Variants in SRRM4 observed in about 807,000 individuals in gnomAD.
The protein encoded by SRRM4 is serine/arginine repetitive matrix protein 4.
A neutral mutation model predicts 68.9 loss-of-function variants in SRRM4; 33 were observed. The ratio of observed to expected loss-of-function variants is 0.48; its 90% CI spans 0.36 to 0.64. The LOEUF (loss-of-function observed/expected upper bound fraction) is 0.64. Ranked by LOEUF, SRRM4 falls within the 30% of genes least tolerant of loss-of-function variation. The pLI is 0.00. For synonymous variants in SRRM4, 318 were observed against 318.8 expected, an observed-to-expected ratio of 1.00 and a Z score of 0.03; for missense variants, 817 against 827.1, an observed-to-expected ratio of 0.99 and a Z score of 0.15.
chr12:118,991,790 A>G (rs531853837), intron 1 of SRRM4: 1 of 152,352 alleles, frequency 6.6e-6, no homozygotes, highest in Admixed American at 6.5e-5. Flanking sequence ...GTATCCCAGC[A>G]CCTAGTACAG....
chr12:119,132,605 G>A (rs1057466614), intron 8 of SRRM4, among the ~76,000 whole-genome samples: 5 of 152,148 alleles, frequency 3.3e-5, no homozygotes, highest in African/African-American at 4.8e-5. Flanking sequence ...CACACAAGCT[G>A]GGGAGGTTAC....
chr12:119,116,920 C>T lies in SRRM4; in HGVS notation c.366-17C>T. 2.5e-6 allele frequency: 4 copies of T among 1,612,916 alleles called. No individual in the cohort carries two copies. Among genetic ancestry groups the T allele is most frequent in the Non-Finnish European group, 3.4e-6 (4 of 1,179,384 alleles). On this transcript the variant is annotated splice_polypyrimidine_tract_variant and intron_variant, in intron 3 of 12. Coordinates refer to ENST00000267260, the MANE Select transcript of SRRM4 (RefSeq NM_194286.4). ...TTAAGAGCCTCCTTCTGAAATGTGTCTTCTTGGCCCTGGCAGGTCCTCATC... is the reference window on the plus strand; with the variant it reads ...TTAAGAGCCTCCTTCTGAAATGTGTTTTCTTGGCCCTGGCAGGTCCTCATC...
rs781187412 is a variant in SRRM4 at position 119,159,751 on chromosome 12, G to A, written c.*2953G>A. On this transcript the variant is annotated 3_prime_UTR_variant, in exon 13 of 13. Coordinates refer to ENST00000267260, the MANE Select transcript of SRRM4 (RefSeq NM_194286.4). ...TACCTAATTTCTCTCTGTCCCCTGA[G>A]ATCTGAAGGCTACCTTGGGAAGAGG... The A allele has an allele frequency of 3.9e-5, 6 of 152,192 alleles. No homozygotes were observed. The Middle Eastern group carries it at 0.014, about 345-fold the overall frequency. The allele number at this position is 152,192 out of a possible 1,614,324, so 9.4% of individuals were successfully genotyped here.
Position 119,156,616 on chromosome 12 carries a change from A to G in SRRM4, c.1654A>G (p.Ser552Gly). 1.2e-6 allele frequency: 2 copies of G among 1,609,168 alleles called. No homozygotes were observed. The highest frequency in any genetic ancestry group is 1.7e-6 in the Non-Finnish European group (2 of 1,178,862). Residue 552 changes from serine to glycine, a missense_variant, in exon 13 of 13, where the codon AGC becomes GGC. Physicochemically the swap from Ser to Gly is moderately conservative, Grantham distance 56. Coordinates refer to ENST00000267260, the MANE Select transcript of SRRM4 (RefSeq NM_194286.4). ...CTCGGCCAGCCGCAGCTACTCCCGG[A>G]GCCGGAGTCGGAGCCGGAGCCGGAG... is the stretch of plus-strand genomic sequence containing the variant. ...SRSASRSYSR[S>G]RSRSRSRRRS...
At chr12:119,035,194 A>G (rs1003736216) in intron 1 of SRRM4, among the ~76,000 whole-genome samples, 3 of 152,194 alleles carry the variant, frequency 2.0e-5, no homozygotes, top group Admixed American at 6.5e-5. Context: ...CTTTAACTAT[A>G]TAATTCGTGG....
intron 1 of SRRM4, among the ~76,000 whole-genome samples, chr12:119,074,222 T>G (rs1055305243): frequency 2.0e-5 from 3 of 152,128 alleles, no homozygotes; most frequent in Admixed American, 1.3e-4. Context: ...AAAAATCACA[T>G]TTACTGGGTA....
intron 1 of SRRM4, among the ~76,000 whole-genome samples, chr12:119,064,959 T>A (rs1028135760): frequency 1.3e-5 from 2 of 152,232 alleles, no homozygotes; most frequent in Non-Finnish European, 2.9e-5. Context: ...TCCCCTGCTT[T>A]ACTGATAACA....
At chr12:118,985,444 C>T (rs780142807) in intron 1 of SRRM4, among the ~76,000 whole-genome samples, 3 of 152,158 alleles carry the variant, frequency 2.0e-5, no homozygotes, top group African/African-American at 7.2e-5. Flanking sequence ...TTCATCAAAT[C>T]TACAGTGACT....
intron 1 of SRRM4, 21 bp from the exon 2 acceptor site, chr12:119,102,215 T>C: frequency 5.0e-6 from 8 of 1,598,926 alleles, no homozygotes; most frequent in Non-Finnish European, 6.8e-6. Context: ...CACTTTTGTG[T>C]CCTTATTTCT....
At chr12:119,019,321 G>A (rs908494604) in intron 1 of SRRM4, among the ~76,000 whole-genome samples, 5 of 152,092 alleles carry the variant, frequency 3.3e-5, no homozygotes, top group African/African-American at 7.2e-5. Context: ...ACCATCCCCC[G>A]GGTTGAAATA....
At chr12:119,080,652 A>G (rs773475505) in intron 1 of SRRM4, among the ~76,000 whole-genome samples, 16 of 152,206 alleles carry the variant, frequency 1.1e-4, no homozygotes, top group Non-Finnish European at 1.0e-4. Flanking sequence ...TTCCTTAGTC[A>G]AAATCACTCA....
intron 8 of SRRM4, chr12:119,144,683 T>C (rs1170745904): frequency 6.6e-6 from 1 of 152,234 alleles, no homozygotes; most frequent in African/African-American, 2.4e-5. Flanking sequence ...CGTTTATTTT[T>C]GGTCAGACTG....
intron 1 of SRRM4, among the ~76,000 whole-genome samples, chr12:119,006,763 A>T (rs1408467616): frequency 6.6e-6 from 1 of 152,226 alleles, no homozygotes; most frequent in Non-Finnish European, 1.5e-5. Context: ...CACTGATTCT[A>T]TTGGTCAAAT....
At chr12:119,153,692 C>A (rs1196738347) in intron 11 of SRRM4, 43 bp downstream of exon 11, 2 of 1,416,104 alleles carry the variant, frequency 1.4e-6, no homozygotes, top group Admixed American at 3.9e-5. Flanking sequence ...CTAGGCCCCA[C>A]CCCTTTGCTC....
At position 119,063,866 on chromosome 12, in the gene SRRM4, CAG is replaced by C. The variant is rs560389742; in HGVS notation, c.132-38362_132-38361del. On this transcript the variant is annotated intron_variant, in intron 1 of 12. Transcript: ENST00000267260. Reference sequence around the variant, plus strand: ...TGAATGAAGATGGGAGAGACAGAAACAGAGAGAGATGGGGAAATTGAGATCAG... The same window carrying C: ...TGAATGAAGATGGGAGAGACAGAAACAGAGAGATGGGGAAATTGAGATCAG... Among the ~76,000 whole-genome samples the C allele has an allele frequency of 5.9e-5, 9 of 152,126 alleles. No homozygotes were observed. In the East Asian group the frequency reaches 1.5e-3, roughly 26 times the overall value.
chr12:119,096,202 T>G (rs1369470012), intron 1 of SRRM4, among the ~76,000 whole-genome samples: 4 of 149,774 alleles, frequency 2.7e-5, no homozygotes, highest in Non-Finnish European at 5.9e-5. Context: ...TTTTTTTTTT[T>G]TTTGTATTTT....
chr12:119,000,984 G>C (rs564036877), intron 1 of SRRM4: 13 of 152,318 alleles, frequency 8.5e-5, no homozygotes, highest in Admixed American at 7.8e-4. Flanking sequence ...AGAAAAAGCA[G>C]AATAGCGCCA....
chr12:118,994,512 C>T (rs957774311), intron 1 of SRRM4, among the ~76,000 whole-genome samples: 4 of 152,176 alleles, frequency 2.6e-5, no homozygotes, highest in Non-Finnish European at 5.9e-5. Context: ...TGGAAAATAG[C>T]GTGCTCTGCA....
At chr12:119,132,063 G>A (rs903255700) in intron 8 of SRRM4, among the ~76,000 whole-genome samples, 11 of 152,260 alleles carry the variant, frequency 7.2e-5, no homozygotes, top group African/African-American at 2.6e-4. Flanking sequence ...CATAACCAAG[G>A]TCTAATTTTA....
Sources: allele counts gnomAD v4.1 joint callset (sites outside exome capture counted in the v4.1 genomes callset), GRCh38; gene constraint gnomAD v4.1.1; transcripts MANE v1.5; gene names NCBI Gene and HGNC (gene_info 2026-07-23, HGNC 2026-07-21).